The following MYBPC3 variants were observed in gnomAD, a reference collection of about 807,000 sequenced individuals.
MYBPC3 encodes the protein myosin-binding protein C, cardiac-type.
A neutral mutation model predicts 159.3 loss-of-function variants in MYBPC3; 108 were observed. The ratio of observed to expected loss-of-function variants is 0.68; its 90% CI spans 0.58 to 0.80. MYBPC3 has a LOEUF of 0.80. Among genes scored for constraint, MYBPC3 ranks in the 30% least tolerant of loss-of-function variants. The pLI is 0.00. For synonymous variants in MYBPC3, 730 were observed against 702.0 expected (o/e 1.04, Z -0.63); for missense variants, 1,631 against 1,762.1 (o/e 0.93, Z 1.33).
At position 47,331,894 on chromosome 11, in the gene MYBPC3, A is replaced by C; in HGVS notation, c.3815-13T>G. On this transcript the variant is annotated splice_polypyrimidine_tract_variant and intron_variant, in intron 33 of 34. Transcript: ENST00000545968. ...GGTCACTGAGGCACTGCAGAAGAGG[A>C]GGCCATGTCACTGTGTCCTCCCAGC... 6.2e-7 allele frequency: 1 copy of C among 1,610,122 alleles called. No homozygotes were observed. The highest frequency in any genetic ancestry group is 8.5e-7 in the Non-Finnish European group (1 of 1,178,508).
intron 13 of MYBPC3, 23 bp downstream of exon 13, chr11:47,343,469 C>T (rs780328000): frequency 6.4e-7 from 1 of 1,564,282 alleles, no homozygotes; most frequent in South Asian, 1.2e-5. Flanking sequence ...CACCCGAGCC[C>T]CCCTCCCCAC....
At position 47,346,552 on chromosome 11, in the gene MYBPC3, G is replaced by T; in HGVS notation, c.926+75C>A. Reference sequence around the variant, plus strand: ...AGGACTGGGGGCCAAGGGAGCTGAAGAGGGGCTGGGGATCTGGAGGGGCTC... The same window carrying T: ...AGGACTGGGGGCCAAGGGAGCTGAATAGGGGCTGGGGATCTGGAGGGGCTC... On this transcript the variant is annotated intron_variant, in intron 11 of 34. Transcript: ENST00000545968. The surrounding 1 kb of genome is among the most constrained non-coding windows in gnomAD (Gnocchi z 5.3). 1 of 1,514,932 alleles carries T rather than the reference G, an allele frequency of 6.6e-7. No individual in the cohort carries two copies. The highest frequency in any genetic ancestry group is 8.9e-7 in the Non-Finnish European group (1 of 1,122,990). 93.8% of individuals were successfully genotyped at this position (1,514,932 alleles called of 1,614,324 possible). A position where few individuals can be genotyped will look rare whatever the true frequency, so the allele number is the denominator to read the frequency against.
Position 47,333,253 on chromosome 11 carries a change from C to G in MYBPC3, c.3271G>C (p.Asp1091His). 1.3e-6 allele frequency: 2 copies of G among 1,586,890 alleles called. No individual in the cohort carries two copies. Among genetic ancestry groups the G allele is most frequent in the Non-Finnish European group, 1.7e-6 (2 of 1,166,122 alleles). ...CCCCAGAGCTCCGTGTTGCCGACATCCTGGGGTGGCTTCCACTCCAGAGCC... is the reference window on the plus strand; with the variant it reads ...CCCCAGAGCTCCGTGTTGCCGACATGCTGGGGTGGCTTCCACTCCAGAGCC... ...NVALEWKPPQ[D>H]VGNTELWGYT... Residue 1091 changes from aspartate (D) to histidine (H), a missense_variant, in exon 30 of 35, where the codon GAT becomes CAT. Asp to His is a moderately conservative substitution (Grantham distance 81). Coordinates refer to ENST00000545968, the MANE Select transcript of MYBPC3 (RefSeq NM_000256.3).
Position 47,350,639 on chromosome 11 carries a change from G to A in MYBPC3, c.293-24C>T, listed in dbSNP as rs1366999316. The A allele has an allele frequency of 9.6e-6, 14 of 1,454,424 alleles. No homozygotes were observed. The South Asian group carries it at 1.0e-4, about 11-fold the overall frequency. 90.1% of individuals were successfully genotyped at this position (1,454,424 alleles called of 1,614,324 possible). The stretch of plus-strand genomic sequence containing the variant: ...CTCTGGAGGGGATCAGATGGGAGTC[G>A]TGGTGCAGCCACTAACCAGAGACCC... On this transcript the variant is annotated intron_variant, in intron 2 of 34. Transcript: ENST00000545968.
Position 47,342,737 on chromosome 11 carries a change from C to A in MYBPC3, c.1465G>T (p.Asp489Tyr), listed in dbSNP as rs546002111. ...EEGAQVKWLKDGVELTREETF... is the reference protein window; with the variant it reads ...EEGAQVKWLKYGVELTREETF... ...TCCTCCCGGGTCAGCTCCACCCCGTCCTTCAGCCTAGCCGGGTGGGTGGGT... is the reference window on the plus strand; with the variant it reads ...TCCTCCCGGGTCAGCTCCACCCCGTACTTCAGCCTAGCCGGGTGGGTGGGT... The change falls in exon 17 of 35, where the codon GAC becomes TAC. Residue 489 changes from aspartate to tyrosine, a missense_variant. Physicochemically the swap from Asp to Tyr is radical, Grantham distance 160. Transcript: ENST00000545968. The A allele has an allele frequency of 2.5e-6, 4 of 1,613,956 alleles. No individual in the cohort carries two copies. The highest frequency in any genetic ancestry group is 3.4e-6 in the Non-Finnish European group (4 of 1,179,836).
chr11:47,350,252 T>C (rs1053579499), intron 3 of MYBPC3, 140 bp from the exon 4 acceptor site: 71 of 1,204,018 alleles, frequency 5.9e-5, no homozygotes, highest in Non-Finnish European at 7.5e-5. Context: ...GCCTCCCAAG[T>C]TAGCTGGGAC....
chr11:47,350,442 G>T (rs2095899511), intron 3 of MYBPC3, 60 bp downstream of exon 3: 1 of 1,531,282 alleles, frequency 6.5e-7, no homozygotes, highest in Admixed American at 2.3e-5. Context: ...AGGCTTTTGA[G>T]ACCTGCCCTG....
rs914801851 is a variant in MYBPC3, at chr11:47,339,483, C to T, written c.2068-79G>A. On this transcript the variant is annotated intron_variant, in intron 21 of 34. Coordinates refer to ENST00000545968, the MANE Select transcript of MYBPC3 (RefSeq NM_000256.3). Reference sequence around the variant, plus strand: ...AGCGCCCCTCTGCTGCTTCTTCCACCCCCTGACCCACACTGCCCACCTTGC... The same window carrying T: ...AGCGCCCCTCTGCTGCTTCTTCCACTCCCTGACCCACACTGCCCACCTTGC... 8 of 1,534,020 alleles carry T rather than the reference C, an allele frequency of 5.2e-6. No individual in the cohort carries two copies. In the Admixed American group the frequency reaches 1.4e-4, roughly 26 times the overall value.
At position 47,351,316 on chromosome 11, in the gene MYBPC3, C is replaced by T. The variant is rs1018066429; in HGVS notation, c.215G>A (p.Gly72Asp). Residue 72 changes from glycine (G) to aspartate (D), a missense_variant, in exon 2 of 35, where the codon GGC becomes GAC. Transcript: ENST00000545968. The surrounding 1 kb of genome is among the most constrained non-coding windows in gnomAD (Gnocchi z 4.2). ...TGCGTAAGATCCCTGGTCGGCAGGG[C>T]CCACTTCCCGCACTGTCAGCGTATG... ...TRHTLTVREV[G>D]PADQGSYAVI... The T allele has an allele frequency of 6.3e-7, 1 of 1,583,974 alleles. No homozygotes were observed. Among genetic ancestry groups the T allele is most frequent in the Non-Finnish European group, 8.6e-7 (1 of 1,164,956 alleles).
chr11:47,335,554 C>T (rs527813015), intron 26 of MYBPC3: 19 of 284,444 alleles, frequency 6.7e-5, no homozygotes, highest in Admixed American at 4.6e-4. Context: ...CTCGAACTCC[C>T]GACCTCAGGT....
In MYBPC3 at chr11:47,340,990, C is replaced by A; in HGVS notation, c.1927+13G>T. On this transcript the variant is annotated intron_variant, in intron 20 of 34. Coordinates refer to ENST00000545968, the MANE Select transcript of MYBPC3 (RefSeq NM_000256.3). ...AGTGAGCAGAACCAAGACTCAGGGG[C>A]CCCAAGACTTACCCTGCCTGGGTAC... 1.3e-6 allele frequency: 2 copies of A among 1,557,020 alleles called. No homozygotes were observed. The highest frequency in any genetic ancestry group is 1.2e-5 in the South Asian group (1 of 82,902).
chr11:47,343,473 TC>T lies in MYBPC3; in HGVS notation c.1223+18del. 1.1e-6 allele frequency: 1 copy of T among 878,076 alleles called. No homozygotes were observed. The highest frequency in any genetic ancestry group is 5.6e-5 in the East Asian group (1 of 18,010). 54.4% of individuals were successfully genotyped at this position (878,076 alleles called of 1,614,324 possible). ...GTCCCCACCTCCACCCGAGCCCCCC[TC>T]CCCACCCCAGGCTGCACCTGCCGCT... On this transcript the variant is annotated intron_variant, in intron 13 of 34. Coordinates refer to ENST00000545968, the MANE Select transcript of MYBPC3 (RefSeq NM_000256.3).
At chr11:47,333,024 G>A (rs2095878773) in intron 30 of MYBPC3, 51 bp from the exon 31 acceptor site, 1 of 1,571,508 alleles carries the variant, frequency 6.4e-7, no homozygotes, top group Non-Finnish European at 8.6e-7. Context: ...CCTTCCTGAT[G>A]CCGAGAGCCT....
Position 47,338,672 on chromosome 11 carries a change from C to T in MYBPC3, c.2156G>A (p.Cys719Tyr). The T allele has an allele frequency of 6.2e-7, 1 of 1,611,256 alleles. No homozygotes were observed. Among genetic ancestry groups the T allele is most frequent in the Non-Finnish European group, 8.5e-7 (1 of 1,178,558 alleles). ...CACGCGGACCCGGCCCTCGGTCTCACACAGCAGCTGGGGGGGTGCAGAGTT... is the reference window on the plus strand; with the variant it reads ...CACGCGGACCCGGCCCTCGGTCTCATACAGCAGCTGGGGGGGTGCAGAGTT... ...DEWVFDKKLL[C>Y]ETEGRVRVET... Residue 719 changes from cysteine to tyrosine, a missense_variant, in exon 23 of 35, where the codon TGT (cysteine) becomes TAT (tyrosine). Coordinates refer to ENST00000545968, the MANE Select transcript of MYBPC3 (RefSeq NM_000256.3). This position sits in a 1 kb window ranked among gnomAD's most constrained non-coding sequence, Gnocchi z 4.7.
In MYBPC3 at chr11:47,332,052, T is replaced by TG. The variant is rs764375933; in HGVS notation, c.3814+19dup. 11 of 1,605,222 alleles carry TG rather than the reference T, an allele frequency of 6.9e-6. No homozygotes were observed. Among genetic ancestry groups the TG allele is most frequent in the Non-Finnish European group, 8.5e-6 (10 of 1,174,594 alleles). ...CCCGCTCTTCCCATCTCCCAGGCCCTGGCCCCGAGGGCTCCTCACCTCGCA... is the reference window on the plus strand; with the variant it reads ...CCCGCTCTTCCCATCTCCCAGGCCCTGGGCCCCGAGGGCTCCTCACCTCGCA... On this transcript the variant is annotated intron_variant, in intron 33 of 34. Coordinates refer to ENST00000545968, the MANE Select transcript of MYBPC3 (RefSeq NM_000256.3). The surrounding 1 kb of genome is among the most constrained non-coding windows in gnomAD (Gnocchi z 4.2).
Position 47,332,425 on chromosome 11 carries a change from T to G in MYBPC3, c.3627+141A>C. 2.1e-6 allele frequency: 3 copies of G among 1,433,408 alleles called. No homozygotes were observed. The Admixed American group carries it at 6.2e-5, about 30-fold the overall frequency. 88.8% of individuals were successfully genotyped at this position (1,433,408 alleles called of 1,614,324 possible). ...GAACCAAGAGTGAGTACCATGGCCC[T>G]GCCCAGGGGGAGGAACCCGGTCCAT... On this transcript the variant is annotated intron_variant, in intron 32 of 34. Coordinates refer to ENST00000545968, the MANE Select transcript of MYBPC3 (RefSeq NM_000256.3). The surrounding 1 kb of genome is among the most constrained non-coding windows in gnomAD (Gnocchi z 4.2).
rs1055909630 is a variant in MYBPC3 at position 47,346,825 on chromosome 11, C to T, written c.909-181G>A. On this transcript the variant is annotated intron_variant, in intron 10 of 34. Transcript: ENST00000545968. This position sits in a 1 kb window ranked among gnomAD's most constrained non-coding sequence, Gnocchi z 5.3. ...AGGCTCTGGCAGGACCTCCTGTGTG[C>T]ATTACTTTTTCTTATCCCTCCTAAG... 9.2e-5 allele frequency among the ~76,000 whole-genome samples: 14 copies of T among 152,116 alleles called. No individual in the cohort carries two copies. Among genetic ancestry groups the T allele is most frequent in the African/African-American group, 3.1e-4 (13 of 41,400 alleles).
In MYBPC3 at chr11:47,332,293, C is replaced by T; in HGVS notation, c.3628-35G>A. On this transcript the variant is annotated intron_variant, in intron 32 of 34. Transcript: ENST00000545968. The surrounding 1 kb of genome is among the most constrained non-coding windows in gnomAD (Gnocchi z 4.2). The stretch of plus-strand genomic sequence containing the variant: ...AGGTAAAGAGAGGGAGGGAAGCCAT[C>T]CAGGCTGAGAGGGGACCTGGCAGGG... The T allele has an allele frequency of 6.2e-7, 1 of 1,602,932 alleles. No homozygotes were observed. Among genetic ancestry groups the T allele is most frequent in the Non-Finnish European group, 8.5e-7 (1 of 1,175,686 alleles).
chr11:47,344,266 A>G (rs751293411), intron 12 of MYBPC3, among the ~76,000 whole-genome samples: 1 of 152,088 alleles, frequency 6.6e-6, no homozygotes, highest in Non-Finnish European at 1.5e-5. Flanking sequence ...TCTCTCAGCA[A>G]CCCCTGAGTT....
Sources: gnomAD v4.1 joint callset for allele counts (sites outside exome capture counted in the v4.1 genomes callset) on GRCh38, gnomAD v4.1.1 for gene constraint, Gnocchi (gnomAD v3.1) non-coding constraint, MANE v1.5 for transcripts, NCBI Gene and HGNC (gene_info 2026-07-23, HGNC 2026-07-21) for gene names.